Variants in MGMT observed in about 807,000 individuals in gnomAD.
The protein encoded by MGMT is methylated-DNA--protein-cysteine methyltransferase.
MGMT carries 14 observed loss-of-function variants against 15.9 expected under a neutral mutation model. That is an observed-to-expected ratio of 0.88 (90% CI 0.58 to 1.37). The LOEUF (loss-of-function observed/expected upper bound fraction) is 1.37. Among genes scored for constraint, MGMT ranks in the 40% most tolerant of loss-of-function variants. The pLI, the probability that MGMT is intolerant of heterozygous loss-of-function variation, is 0.00. For missense variants in MGMT, 282 were observed against 268.1 expected (o/e 1.05, Z -0.36); for synonymous variants, 130 against 118.2 (o/e 1.10, Z -0.65).
At chr10:129,705,932 T>C (rs11815846) in intron 2 of MGMT, among the ~76,000 whole-genome samples, 64,179 of 152,008 alleles carry the variant, frequency 0.42, 15,678 homozygotes, top group African/African-American at 0.67. Flanking sequence ...GCAGACAGGC[T>C]GAATCCGCAC....
intron 2 of MGMT, among the ~76,000 whole-genome samples, chr10:129,546,184 G>A (rs1846096469): frequency 6.6e-6 from 1 of 152,254 alleles, no homozygotes; most frequent in Non-Finnish European, 1.5e-5. Context: ...GCATGGGGTG[G>A]GGAGGGGCCA....
intron 3 of MGMT, among the ~76,000 whole-genome samples, chr10:129,750,628 A>C (rs1023320930): frequency 6.6e-6 from 1 of 152,148 alleles, no homozygotes; most frequent in Non-Finnish European, 1.5e-5. Context: ...GTAATCTAGA[A>C]ATGATTTAAA....
At chr10:129,468,822 T>C (rs1278915894) in intron 1 of MGMT, among the ~76,000 whole-genome samples, 1 of 151,896 alleles carries the variant, frequency 6.6e-6, no homozygotes, top group African/African-American at 2.4e-5. Flanking sequence ...GAGGCGGAGG[T>C]TGCAGTGAGC....
chr10:129,656,167 T>G (rs956416734), intron 2 of MGMT, among the ~76,000 whole-genome samples: 1 of 152,222 alleles, frequency 6.6e-6, no homozygotes, highest in African/African-American at 2.4e-5. Context: ...TTCAGGACTA[T>G]GGCACTACAG....
At chr10:129,514,311 T>C (rs1022900417) in intron 1 of MGMT, among the ~76,000 whole-genome samples, 22 of 152,358 alleles carry the variant, frequency 1.4e-4, no homozygotes, top group African/African-American at 4.6e-4. Context: ...ATAATTCCTA[T>C]TTCCAAGGAA....
chr10:129,521,157 T>A (rs12265555), intron 1 of MGMT, among the ~76,000 whole-genome samples: 1 of 151,966 alleles, frequency 6.6e-6, no homozygotes, highest in African/African-American at 2.4e-5. Flanking sequence ...TGTCTGGGCC[T>A]CTCAGAGCTC....
intron 3 of MGMT, among the ~76,000 whole-genome samples, chr10:129,756,618 C>T (rs896398490): frequency 3.0e-4 from 45 of 152,308 alleles, no homozygotes; most frequent in African/African-American, 9.9e-4. Context: ...TGCAGACGAG[C>T]ACCACCACGC....
intron 2 of MGMT, among the ~76,000 whole-genome samples, chr10:129,665,457 A>G (rs948506867): frequency 2.0e-5 from 3 of 151,876 alleles, no homozygotes; most frequent in African/African-American, 7.3e-5. Flanking sequence ...AGGAGCAGAC[A>G]ATTGATACAT....
intron 2 of MGMT, among the ~76,000 whole-genome samples, chr10:129,605,410 G>T (rs1846877156): frequency 6.6e-6 from 1 of 151,848 alleles, no homozygotes; most frequent in African/African-American, 2.4e-5. Context: ...TGTTTTCATG[G>T]GCCCCTGTCC....
At chr10:129,724,731 G>A (rs781593568) in intron 3 of MGMT, among the ~76,000 whole-genome samples, 2 of 152,136 alleles carry the variant, frequency 1.3e-5, no homozygotes, top group African/African-American at 4.8e-5. Context: ...AGGCTAAAAT[G>A]TCAATTATAT....
chr10:129,516,967 A>G (rs1467456040), intron 1 of MGMT, among the ~76,000 whole-genome samples: 1 of 152,210 alleles, frequency 6.6e-6, no homozygotes, highest in Admixed American at 6.5e-5. Flanking sequence ...TGGGGTTAGC[A>G]ATGTCGACAG....
chr10:129,707,231 C>T (rs1007899294), intron 2 of MGMT, among the ~76,000 whole-genome samples: 13 of 151,998 alleles, frequency 8.6e-5, no homozygotes, highest in African/African-American at 2.4e-4. Context: ...GAGCCAAGAT[C>T]GAGCCATTGT....
chr10:129,652,278 C>T (rs982509176), intron 2 of MGMT, among the ~76,000 whole-genome samples: 5 of 152,230 alleles, frequency 3.3e-5, no homozygotes, highest in African/African-American at 1.2e-4. Context: ...CGGCCTCCTT[C>T]CTCTGGCCCC....
chr10:129,764,690 A>G (rs952782996), intron 4 of MGMT, among the ~76,000 whole-genome samples: 1 of 152,222 alleles, frequency 6.6e-6, no homozygotes, highest in African/African-American at 2.4e-5. Flanking sequence ...GGAGAGAAAA[A>G]GAAGAGTGGA....
At chr10:129,473,613 C>T (rs1319929769) in intron 1 of MGMT, among the ~76,000 whole-genome samples, 1 of 152,156 alleles carries the variant, frequency 6.6e-6, no homozygotes, top group Non-Finnish European at 1.5e-5. Context: ...AACGATGAGC[C>T]TGAGAAGCTG....
At chr10:129,708,188 G>A (rs559252629) in intron 3 of MGMT, 145 bp downstream of exon 3, 1 of 1,150,406 alleles carries the variant, frequency 8.7e-7, no homozygotes, top group Admixed American at 2.4e-5. Context: ...GAGCTGGAGG[G>A]ACGGGGGTTC....
chr10:129,721,819 ATTAGCATATTAG>A (rs370837122), intron 3 of MGMT, among the ~76,000 whole-genome samples: 44,930 of 151,988 alleles, frequency 0.3, 7,019 homozygotes, highest in East Asian at 0.45. Flanking sequence ...TTTTATTAGA[ATTAGCATATTAG>A]AATGCTAAAA....
chr10:129,662,065 T>A (rs1264661226), intron 2 of MGMT, among the ~76,000 whole-genome samples: 1 of 152,188 alleles, frequency 6.6e-6, no homozygotes, highest in Non-Finnish European at 1.5e-5. Flanking sequence ...TGCAGACAGT[T>A]CCACGTGTAG....
intron 2 of MGMT, among the ~76,000 whole-genome samples, chr10:129,646,326 A>G (rs1008926656): frequency 2.6e-5 from 4 of 152,098 alleles, no homozygotes; most frequent in African/African-American, 9.7e-5. Flanking sequence ...CTATGAAGGA[A>G]GAGTAAGTAT....
Sources: gnomAD v4.1 joint callset for allele counts (sites outside exome capture counted in the v4.1 genomes callset) on GRCh38, gnomAD v4.1.1 for gene constraint, MANE v1.5 for transcripts, NCBI Gene and HGNC (gene_info 2026-07-23, HGNC 2026-07-21) for gene names.